Variants in SMAP2 observed in about 807,000 individuals in gnomAD.
SMAP2 encodes the protein stromal membrane-associated protein 2.
SMAP2 carries 25 observed loss-of-function variants against 56.4 expected under a neutral mutation model. The observed-to-expected ratio is 0.44, with a 90% CI of 0.32 to 0.62. The LOEUF is 0.62. Ranked by LOEUF, SMAP2 falls within the 20% of genes least tolerant of loss-of-function variation. The pLI is 0.04. For missense variants in SMAP2, 388 were observed against 545.6 expected, an observed-to-expected ratio of 0.71 and a Z score of 2.88; for synonymous variants, 157 against 181.7, an observed-to-expected ratio of 0.86 and a Z score of 1.09.
At chr1:40,399,629 C>A (rs6702798) in intron 1 of SMAP2, among the ~76,000 whole-genome samples, 14,231 of 149,510 alleles carry the variant, frequency 0.095, 725 homozygotes, top group East Asian at 0.17. Context: ...CTGAGCCTGA[C>A]AGCCCAAGGC....
At chr1:40,348,933 G>C (rs1644399720) in intron 1 of SMAP2, among the ~76,000 whole-genome samples, 1 of 151,988 alleles carries the variant, frequency 6.6e-6, no homozygotes, top group African/African-American at 2.4e-5. Flanking sequence ...ACCAGACCCA[G>C]CTAATTTTGT....
At chr1:40,400,441 GGA>G (rs1309814433) in intron 1 of SMAP2, among the ~76,000 whole-genome samples, 1 of 152,200 alleles carries the variant, frequency 6.6e-6, no homozygotes, top group Admixed American at 6.5e-5. Context: ...ATGTAAAAGT[GGA>G]GAGAGAGCTA....
In SMAP2 at chr1:40,376,675, G is replaced by A. The variant is rs567855704; in HGVS notation, c.103+2452G>A. ...CGTTTGGATCAATAAATTGTTACCT[G>A]TTAGCGCTGATAAAAAATACATTTC... is the stretch of plus-strand genomic sequence containing the variant. On this transcript the variant is annotated intron_variant, in intron 1 of 9. Coordinates refer to ENST00000372718, the MANE Select transcript of SMAP2 (RefSeq NM_022733.3). Among the ~76,000 whole-genome samples, 184 of 152,272 alleles carry A rather than the reference G, an allele frequency of 1.2e-3. 1 individual carries two copies. Among genetic ancestry groups the A allele is most frequent in the African/African-American group, 3.9e-3 (164 of 41,542 alleles).
chr1:40,398,915 T>C (rs930966491), intron 1 of SMAP2, among the ~76,000 whole-genome samples: 2 of 152,236 alleles, frequency 1.3e-5, no homozygotes, highest in African/African-American at 4.8e-5. Context: ...TGACAGCTCT[T>C]GTGGCACACA....
chr1:40,377,083 C>G (rs978805402), intron 1 of SMAP2, among the ~76,000 whole-genome samples: 1 of 152,066 alleles, frequency 6.6e-6, no homozygotes, highest in Non-Finnish European at 1.5e-5. Flanking sequence ...TCCAGGAGTT[C>G]AAGACCAGCC....
At chr1:40,402,458 TG>T (rs1193200955) in intron 1 of SMAP2, among the ~76,000 whole-genome samples, 43 of 152,266 alleles carry the variant, frequency 2.8e-4, no homozygotes, top group African/African-American at 9.9e-4. Flanking sequence ...TTTGTATTTT[TG>T]TTTTTTTTTT....
chr1:40,357,124 CA>C (rs1644439393), intron 1 of SMAP2, among the ~76,000 whole-genome samples: 1 of 149,346 alleles, frequency 6.7e-6, no homozygotes, highest in African/African-American at 2.5e-5. Context: ...GTTGTCTCTT[CA>C]TTTTGTTGAT....
rs986924069 is a variant in SMAP2, at chr1:40,385,818, C to T, written c.103+11595C>T. 1.3e-5 allele frequency among the ~76,000 whole-genome samples: 2 copies of T among 152,186 alleles called. No homozygotes were observed. Among genetic ancestry groups the T allele is most frequent in the African/African-American group, 4.8e-5 (2 of 41,438 alleles). ...TCACCTCAGTGGTCTGAAGTGCGCACACAGTACATTTTGTTCTTTAACTTC... is the reference window on the plus strand; with the variant it reads ...TCACCTCAGTGGTCTGAAGTGCGCATACAGTACATTTTGTTCTTTAACTTC... On this transcript the variant is annotated intron_variant, in intron 1 of 9. Coordinates refer to ENST00000372718, the MANE Select transcript of SMAP2 (RefSeq NM_022733.3). This position sits in a 1 kb window ranked among gnomAD's most constrained non-coding sequence, Gnocchi z 4.5.
intron 1 of SMAP2, among the ~76,000 whole-genome samples, chr1:40,401,554 A>G (rs1431645727): frequency 6.6e-6 from 1 of 152,172 alleles, no homozygotes; most frequent in East Asian, 1.9e-4. Context: ...TTATTATAAT[A>G]TTAGTAGTAG....
intron 1 of SMAP2, among the ~76,000 whole-genome samples, chr1:40,353,911 G>A (rs1325008842): frequency 6.6e-6 from 1 of 151,916 alleles, no homozygotes; most frequent in Non-Finnish European, 1.5e-5. Flanking sequence ...TTTCTAACAA[G>A]TTGCCAGGTG....
At chr1:40,383,113 C>A (rs1242392386) in intron 1 of SMAP2, among the ~76,000 whole-genome samples, 1 of 152,092 alleles carries the variant, frequency 6.6e-6, no homozygotes, top group Non-Finnish European at 1.5e-5. Context: ...CTAGAAGAGC[C>A]AAGAAGCTGA....
intron 5 of SMAP2, 118 bp downstream of exon 5, chr1:40,413,220 G>T (rs1644954581): frequency 1.3e-6 from 1 of 766,310 alleles, no homozygotes; most frequent in East Asian, 2.6e-5. Context: ...GGGCTAAAGG[G>T]TTCTGCATCT....
intron 4 of SMAP2, among the ~76,000 whole-genome samples, chr1:40,411,316 C>T (rs904580833): frequency 3.3e-5 from 5 of 152,188 alleles, no homozygotes; most frequent in African/African-American, 4.8e-5. Context: ...ATACACATTT[C>T]GTTTTATTTG....
At chr1:40,404,944 T>TA (rs1644871488) in intron 1 of SMAP2, among the ~76,000 whole-genome samples, 1 of 152,218 alleles carries the variant, frequency 6.6e-6, no homozygotes, top group South Asian at 2.1e-4. Flanking sequence ...GTGAAGGGAC[T>TA]AAATATCTTT....
chr1:40,409,518 A>G (rs948792901), intron 3 of SMAP2, among the ~76,000 whole-genome samples: 10 of 152,244 alleles, frequency 6.6e-5, no homozygotes, highest in African/African-American at 2.4e-4. Context: ...GGTTAATTCC[A>G]CTTGCTGCTA....
intron 1 of SMAP2, chr1:40,403,694 G>A: frequency 1.0e-6 from 1 of 968,500 alleles, no homozygotes. Flanking sequence ...GGCACTGTGA[G>A]GTGAATGCTA....
intron 6 of SMAP2, among the ~76,000 whole-genome samples, 174 bp downstream of exon 6, chr1:40,414,414 A>C (rs1227640805): frequency 2.0e-5 from 3 of 152,216 alleles, no homozygotes; most frequent in Non-Finnish European, 4.4e-5. Flanking sequence ...GGAAGTGTTT[A>C]CTGTGACACT....
At position 40,373,968 on chromosome 1, in the gene SMAP2, G is replaced by A. The variant is rs956973007; in HGVS notation, c.-153G>A. 5 of 601,644 alleles carry A rather than the reference G, an allele frequency of 8.3e-6. No homozygotes were observed. Among genetic ancestry groups the A allele is most frequent in the Non-Finnish European group, 1.2e-5 (4 of 337,020 alleles). 37.3% of individuals were successfully genotyped at this position (601,644 alleles called of 1,614,324 possible). A position where few individuals can be genotyped will look rare whatever the true frequency, so the allele number is the denominator to read the frequency against. On this transcript the variant is annotated 5_prime_UTR_variant, in exon 1 of 10. Transcript: ENST00000372718. ...TGGGGGACGGACGCCCCCGACCCGG[G>A]AAGGGGCGTCCGGCGGGGCCGGAGG...
At position 40,416,844 on chromosome 1, in the gene SMAP2, ACCT is replaced by A. The variant is rs767156040; in HGVS notation, c.916_918del (p.Pro306del). The A allele has an allele frequency of 6.2e-7, 1 of 1,613,326 alleles. No homozygotes were observed. Among genetic ancestry groups the A allele is most frequent in the Non-Finnish European group, 8.5e-7 (1 of 1,179,370 alleles). ...CCTACCCCAGCTTCCCCGGGGTTACACCTCCTAACAGCATAATGGGGAGCATGA... is the reference window on the plus strand; with the variant it reads ...CCTACCCCAGCTTCCCCGGGGTTACACCTAACAGCATAATGGGGAGCATGA... On this transcript the variant is annotated inframe_deletion, in exon 9 of 10. Coordinates refer to ENST00000372718, the MANE Select transcript of SMAP2 (RefSeq NM_022733.3).
Sources: gnomAD v4.1 joint callset for allele counts (sites outside exome capture counted in the v4.1 genomes callset) on GRCh38, gnomAD v4.1.1 for gene constraint, Gnocchi (gnomAD v3.1) non-coding constraint, MANE v1.5 for transcripts, NCBI Gene and HGNC (gene_info 2026-07-23, HGNC 2026-07-21) for gene names.